DSC2: variants seen among roughly 807,000 people sequenced by gnomAD.
The protein encoded by DSC2 is desmocollin-2.
In DSC2, 51 loss-of-function variants were observed where a neutral mutation model predicts 87.6. That is an observed-to-expected ratio of 0.58 (90% CI 0.46 to 0.74). DSC2 has a LOEUF of 0.74. Among genes scored for constraint, DSC2 ranks in the 30% least tolerant of loss-of-function variants. The probability of loss-of-function intolerance (pLI) is 0.00; values close to 1 mark genes in which losing one functional copy is unlikely to be tolerated. For synonymous variants in DSC2, 383 were observed against 393.2 expected (o/e 0.97, Z 0.31); for missense variants, 1,066 against 1,089.5 (o/e 0.98, Z 0.30).
chr18:31,101,704 T>C (rs934797201), intron 1 of DSC2, 199 bp downstream of exon 1: 1 of 597,466 alleles, frequency 1.7e-6, no homozygotes, highest in Non-Finnish European at 2.9e-6. Context: ...TTCCCTTCCC[T>C]TGGGGATCCC....
chr18:31,091,133 T>A lies in DSC2; in HGVS notation c.369A>T (p.Arg123Ser). 1 of 1,613,964 alleles carries A rather than the reference T, an allele frequency of 6.2e-7. No homozygotes were observed. Among genetic ancestry groups the A allele is most frequent in the Non-Finnish European group, 8.5e-7 (1 of 1,179,898 alleles). The change falls in exon 4 of 16, where the codon AGA becomes AGT. Residue 123 changes from arginine (R) to serine (S), a missense_variant. Physicochemically the swap from Arg to Ser is moderately radical, Grantham distance 110 (BLOSUM62 -1). Coordinates refer to ENST00000280904, the MANE Select transcript of DSC2 (RefSeq NM_024422.6). ...LEHQTKVLKK[R>S]HTKEKVLRRA... The stretch of plus-strand genomic sequence containing the variant: ...GCCTTAGAACTTTTTCTTTAGTATG[T>A]CTTTTCTTTAGGACCTCAATTCATA...
chr18:31,101,528 T>TCCCGCCCCGGCGCACG, intron 1 of DSC2: 1 of 214,448 alleles, frequency 4.7e-6, no homozygotes. Flanking sequence ...CCCGGCGCAC[T>TCCCGCCCCGGCGCACG]CCCGCCCCGG....
chr18:31,080,219 T>A lies in DSC2; in HGVS notation c.1397A>T (p.Asp466Val). ...ATVTVNVEDQDEGPECNPPIQ... is the reference protein window; with the variant it reads ...ATVTVNVEDQVEGPECNPPIQ... ...TGGAGGGTTACACTCAGGGCCCTCA[T>A]CCTGATCTTCTACATTAACAGTAAC... Residue 466 changes from aspartate to valine, a missense_variant, in exon 10 of 16, where the codon GAT (aspartate) becomes GTT (valine). Asp to Val is a radical substitution (Grantham distance 152, BLOSUM62 -3). Transcript: ENST00000280904. 1.2e-6 allele frequency: 2 copies of A among 1,614,128 alleles called. No homozygotes were observed. Among genetic ancestry groups the A allele is most frequent in the Non-Finnish European group, 1.7e-6 (2 of 1,180,014 alleles).
intron 7 of DSC2, among the ~76,000 whole-genome samples, chr18:31,084,927 C>CTGCAT (rs1268762656): frequency 1.3e-5 from 2 of 151,974 alleles, no homozygotes; most frequent in African/African-American, 4.8e-5. Context: ...TTTGGAAGCT[C>CTGCAT]TGCATTACTT....
chr18:31,101,521 G>A lies in DSC2; in HGVS notation c.69+382C>T, dbSNP rs1188070133. ...TGCCAGAGGCCAGCTGGACGGCCCC[G>A]GCGCACTCCCGCCCCGGCGCACTCC... On this transcript the variant is annotated intron_variant, in intron 1 of 15. Transcript: ENST00000280904. 1.9e-5 allele frequency: 4 copies of A among 205,904 alleles called. No individual in the cohort carries two copies. In the South Asian group the frequency reaches 4.1e-4, roughly 21 times the overall value. The allele number at this position is 205,904 out of a possible 1,614,324, so 12.8% of individuals were successfully genotyped here. A position where few individuals can be genotyped will look rare whatever the true frequency, so the allele number is the denominator to read the frequency against.
At position 31,082,983 on chromosome 18, in the gene DSC2, A is replaced by T; in HGVS notation, c.1020T>A (p.Thr340=). 1 of 1,613,624 alleles carries T rather than the reference A, an allele frequency of 6.2e-7. No individual in the cohort carries two copies. ...TTACATCATCAATGTTAATGATACAAGTTGAAGTTGTCTGTAGACCAAAAT... is the reference window on the plus strand; with the variant it reads ...TTACATCATCAATGTTAATGATACATGTTGAAGTTGTCTGTAGACCAAAAT... ...GQYFGLQTTS[T]CIINIDDVND... is the part of the protein sequence containing the mutation. The change falls in exon 8 of 16, where the codon ACT becomes ACA. Residue 340 remains threonine (T), a synonymous_variant. Transcript: ENST00000280904.
chr18:31,071,710 C>T lies in DSC2; in HGVS notation c.2020G>A (p.Glu674Lys), dbSNP rs1483383737. The T allele has an allele frequency of 1.9e-6, 3 of 1,613,872 alleles. No individual in the cohort carries two copies. Among genetic ancestry groups the T allele is most frequent in the Admixed American group, 1.7e-5 (1 of 59,984 alleles). ...LDVTLCDCIT[E>K]NDCTHRVDPR... ...TCTACACGATGTGTGCAGTCATTTT[C>T]GGTAATGCAGTCACACAGTGTAACA... The change falls in exon 13 of 16, where the codon GAA becomes AAA. Residue 674 changes from glutamate to lysine, a missense_variant. Glu to Lys is a moderately conservative substitution (Grantham distance 56, BLOSUM62 1). Coordinates refer to ENST00000280904, the MANE Select transcript of DSC2 (RefSeq NM_024422.6).
Position 31,062,506 on chromosome 18 carries a change from T to C in DSC2, c.*5509A>G, listed in dbSNP as rs1986520332. 6.6e-6 allele frequency: 1 copy of C among 152,130 alleles called. No individual in the cohort carries two copies. Among genetic ancestry groups the C allele is most frequent in the Non-Finnish European group, 1.5e-5 (1 of 68,030 alleles). The allele number at this position is 152,130 out of a possible 1,614,324, so 9.4% of individuals were successfully genotyped here. A position where few individuals can be genotyped will look rare whatever the true frequency, so the allele number is the denominator to read the frequency against. On this transcript the variant is annotated 3_prime_UTR_variant, in exon 16 of 16. Coordinates refer to ENST00000280904, the MANE Select transcript of DSC2 (RefSeq NM_024422.6). The stretch of plus-strand genomic sequence containing the variant: ...AAAATTTTCAAGTTGAGAAAAAGAA[T>C]TCTTTAGGCAATATGCAGTCTGATC...
rs1986591187 is a variant in DSC2, at chr18:31,065,446, C to T, written c.*2569G>A. 2 of 152,198 alleles carry T rather than the reference C, an allele frequency of 1.3e-5. No individual in the cohort carries two copies. The highest frequency in any genetic ancestry group is 2.4e-5 in the African/African-American group (1 of 41,434). The allele number at this position is 152,198 out of a possible 1,614,324, so 9.4% of individuals were successfully genotyped here. ...GTCAAGTAGACTCCTCTACCCTCCTCAGTACAGGTCCTATAAGTAAGGAAA... is the reference window on the plus strand; with the variant it reads ...GTCAAGTAGACTCCTCTACCCTCCTTAGTACAGGTCCTATAAGTAAGGAAA... On this transcript the variant is annotated 3_prime_UTR_variant, in exon 16 of 16. Coordinates refer to ENST00000280904, the MANE Select transcript of DSC2 (RefSeq NM_024422.6).
rs754918811 is a variant in DSC2, at chr18:31,070,729, T to A, written c.2247A>T (p.Lys749Asn). 1.2e-6 allele frequency: 2 copies of A among 1,613,798 alleles called. No homozygotes were observed. Among genetic ancestry groups the A allele is most frequent in the South Asian group, 2.2e-5 (2 of 91,080 alleles). Residue 749 changes from lysine (K) to asparagine (N), a missense_variant, in exon 14 of 16, where the codon AAA becomes AAT. Transcript: ENST00000280904. ...TTTAAAAAGCCAGACTACTTACCAC[T>A]TTGTCATCTCCAGGAGCTTCTGTGT... Reference protein sequence around the residue: ...VSNTEAPGDDKVYSANGFTTQ... With the variant: ...VSNTEAPGDDNVYSANGFTTQ...
intron 1 of DSC2, among the ~76,000 whole-genome samples, chr18:31,096,636 T>C (rs1220798646): frequency 6.6e-6 from 1 of 152,188 alleles, no homozygotes; most frequent in Non-Finnish European, 1.5e-5. Context: ...GACAGGCACT[T>C]GACCAAATTC....
chr18:31,087,921 G>C (rs1056144662), intron 5 of DSC2, 108 bp from the exon 6 acceptor site: 17 of 1,108,060 alleles, frequency 1.5e-5, no homozygotes, highest in African/African-American at 3.1e-5. Context: ...ACTACAGTAT[G>C]AGTCTCACCA....
rs981289721 is a variant in DSC2 at position 31,061,068 on chromosome 18, T to C, written c.*6947A>G. The C allele has an allele frequency of 6.6e-6, 1 of 152,246 alleles. No individual in the cohort carries two copies. Among genetic ancestry groups the C allele is most frequent in the African/African-American group, 2.4e-5 (1 of 41,470 alleles). 9.4% of individuals were successfully genotyped at this position (152,246 alleles called of 1,614,324 possible). On this transcript the variant is annotated 3_prime_UTR_variant, in exon 16 of 16. Coordinates refer to ENST00000280904, the MANE Select transcript of DSC2 (RefSeq NM_024422.6). ...AAATGTATTGAAAAGTGAAGGCTTCTATACTTTTCCCCTACTAGCCTGTTA... is the reference window on the plus strand; with the variant it reads ...AAATGTATTGAAAAGTGAAGGCTTCCATACTTTTCCCCTACTAGCCTGTTA...
In DSC2 at chr18:31,060,420, C is replaced by T. The variant is rs1393447427; in HGVS notation, c.*7595G>A. ...TGGCCCTGTTCCCAGGGGAACACTCCTTAAGCTGAAAAGTCTCGTCTCTAC... is the reference window on the plus strand; with the variant it reads ...TGGCCCTGTTCCCAGGGGAACACTCTTTAAGCTGAAAAGTCTCGTCTCTAC... On this transcript the variant is annotated 3_prime_UTR_variant, in exon 16 of 16. Transcript: ENST00000280904. The T allele has an allele frequency of 2.0e-5, 3 of 152,112 alleles. No individual in the cohort carries two copies. Among genetic ancestry groups the T allele is most frequent in the African/African-American group, 7.2e-5 (3 of 41,412 alleles). 9.4% of individuals were successfully genotyped at this position (152,112 alleles called of 1,614,324 possible).
At chr18:31,092,820 T>C (rs939545661) in intron 2 of DSC2, among the ~76,000 whole-genome samples, 2 of 152,084 alleles carry the variant, frequency 1.3e-5, no homozygotes, top group Admixed American at 1.3e-4. Flanking sequence ...TATTTAAGAA[T>C]AAAAATCCAA....
rs1567968636 is a variant in DSC2 at position 31,061,434 on chromosome 18, C to T, written c.*6581G>A. ...CATTTCCCATGCACCAACTATCACT[C>T]CATACGGAGGCACATCAGTGAGTAT... On this transcript the variant is annotated 3_prime_UTR_variant, in exon 16 of 16. Transcript: ENST00000280904. The T allele has an allele frequency of 6.6e-6, 1 of 152,226 alleles. No individual in the cohort carries two copies. The highest frequency in any genetic ancestry group is 6.5e-5 in the Admixed American group (1 of 15,270). The allele number at this position is 152,226 out of a possible 1,614,324, so 9.4% of individuals were successfully genotyped here. A position where few individuals can be genotyped will look rare whatever the true frequency, so the allele number is the denominator to read the frequency against.
In DSC2 at chr18:31,080,328, G is replaced by A; in HGVS notation, c.1288C>T (p.Gln430Ter). Residue 430 changes from glutamine to a stop codon, truncating the protein, a stop_gained, in exon 10 of 16, where the codon CAG becomes TAG. Coordinates refer to ENST00000280904, the MANE Select transcript of DSC2 (RefSeq NM_024422.6). LOFTEE classifies it high-confidence loss of function. ...ACTACACCAATTTGCAAGATCATCTGTTGCTTTTCTTCATAATTCAAAGGC... is the reference window on the plus strand; with the variant it reads ...ACTACACCAATTTGCAAGATCATCTATTGCTTTTCTTCATAATTCAAAGGC... Reference protein sequence around the residue: ...VKPLNYEEKQQMILQIGVVNE... With the variant: ...VKPLNYEEKQ 1 of 1,613,942 alleles carries A rather than the reference G, an allele frequency of 6.2e-7. No homozygotes were observed. Among genetic ancestry groups the A allele is most frequent in the East Asian group, 2.2e-5 (1 of 44,854 alleles).
At chr18:31,101,275 C>G (rs1439692543) in intron 1 of DSC2, 2 of 983,648 alleles carry the variant, frequency 2.0e-6, no homozygotes, top group African/African-American at 3.5e-5. Context: ...TCCCCTCCCC[C>G]ACCCGCCACT....
chr18:31,069,021 G>A lies in DSC2; in HGVS notation c.2381C>T (p.Ser794Leu), dbSNP rs1617629. 41 of 1,613,916 alleles carry A rather than the reference G, an allele frequency of 2.5e-5. No individual in the cohort carries two copies. Among genetic ancestry groups the A allele is most frequent in the Middle Eastern group, 1.6e-4 (1 of 6,082 alleles). ...GTGGCCAGCCCCCCGGCAGGATTCC[G>A]AGGTCTGGTGTCCTCCTTTCACCAT... ...IEMVKGGHQT[S>L]ESCRGAGHHH... The change falls in exon 15 of 16, where the codon TCG (serine) becomes TTG (leucine). Residue 794 changes from serine to leucine, a missense_variant. By Grantham distance (145) the Ser-to-Leu change is moderately radical (BLOSUM62 -2). Transcript: ENST00000280904.
Sources: allele counts gnomAD v4.1 joint callset (sites outside exome capture counted in the v4.1 genomes callset), GRCh38; gene constraint gnomAD v4.1.1; transcripts MANE v1.5; gene names NCBI Gene and HGNC (gene_info 2026-07-23, HGNC 2026-07-21).